FHIT: variants seen among roughly 807,000 people sequenced by gnomAD.
FHIT encodes fragile histidine triad diadenosine triphosphatase.
Under a neutral mutation model 17.9 loss-of-function variants are expected in FHIT, and 19 were observed. The observed-to-expected ratio is 1.06, with a 90% confidence interval of 0.74 to 1.56. The LOEUF (loss-of-function observed/expected upper bound fraction) is 1.56, where lower values mean the gene tolerates loss of function less well. Ranked by LOEUF, FHIT falls within the 40% of genes most tolerant of loss-of-function variation. The pLI is 0.00. For synonymous variants in FHIT, 81 were observed against 69.7 expected (o/e 1.16, Z -0.81); for missense variants, 248 against 189.2 (o/e 1.31, Z -1.82).
chr3:60,428,381 C>A (rs1207553634), intron 5 of FHIT, among the ~76,000 whole-genome samples: 1 of 152,112 alleles, frequency 6.6e-6, no homozygotes, highest in Non-Finnish European at 1.5e-5. Flanking sequence ...GTCAATCGGA[C>A]TTGAAAGCTT....
chr3:59,826,159 C>G (rs1019575313), intron 8 of FHIT, among the ~76,000 whole-genome samples: 2 of 152,120 alleles, frequency 1.3e-5, no homozygotes, highest in African/African-American at 4.8e-5. Context: ...ACTCTGACAC[C>G]CAGGCCGGAG....
intron 5 of FHIT, among the ~76,000 whole-genome samples, chr3:60,283,807 G>A (rs926613357): frequency 2.8e-5 from 4 of 142,590 alleles, no homozygotes; most frequent in African/African-American, 1.0e-4. Flanking sequence ...TGAGAAGAGT[G>A]CACCGAAAGA....
chr3:59,798,796 ACT>A (rs1271505225), intron 8 of FHIT, among the ~76,000 whole-genome samples: 1 of 152,128 alleles, frequency 6.6e-6, no homozygotes, highest in Non-Finnish European at 1.5e-5. Context: ...CAGTTGTTTG[ACT>A]CTGTGGTTTT....
At chr3:60,405,199 T>C (rs1327202859) in intron 5 of FHIT, among the ~76,000 whole-genome samples, 1 of 152,198 alleles carries the variant, frequency 6.6e-6, no homozygotes. Flanking sequence ...TGTCTTCCCA[T>C]TTGGCACACT....
chr3:60,649,563 A>G (rs1471539794), intron 4 of FHIT, among the ~76,000 whole-genome samples: 1 of 152,224 alleles, frequency 6.6e-6, no homozygotes, highest in Non-Finnish European at 1.5e-5. Flanking sequence ...ATGACGATAT[A>G]AAATTCTATG....
chr3:60,835,337 T>G (rs2106835882), intron 3 of FHIT, among the ~76,000 whole-genome samples: 1 of 152,320 alleles, frequency 6.6e-6, no homozygotes, highest in Admixed American at 6.5e-5. Context: ...TTTACTACGC[T>G]GTGACTTTCA....
At chr3:60,515,181 C>T (rs1402724476) in intron 5 of FHIT, among the ~76,000 whole-genome samples, 3 of 152,066 alleles carry the variant, frequency 2.0e-5, no homozygotes, top group Non-Finnish European at 4.4e-5. Context: ...GGTAATATTC[C>T]ATCCTAGTGT....
chr3:59,835,054 T>C (rs1396544611), intron 8 of FHIT, among the ~76,000 whole-genome samples: 3 of 152,192 alleles, frequency 2.0e-5, no homozygotes, highest in Non-Finnish European at 4.4e-5. Context: ...CATGCAGACC[T>C]TGTTGTGTAA....
intron 3 of FHIT, among the ~76,000 whole-genome samples, chr3:61,014,791 A>AT (rs2031994439): frequency 1.2e-5 from 1 of 80,388 alleles, no homozygotes; most frequent in Non-Finnish European, 3.1e-5. Flanking sequence ...AAAAAAAAAA[A>AT]AAAAAAAAAA....
At chr3:59,965,380 A>G (rs953396929) in intron 7 of FHIT, among the ~76,000 whole-genome samples, 1 of 152,182 alleles carries the variant, frequency 6.6e-6, no homozygotes, top group Admixed American at 6.5e-5. Context: ...ACAGAACTAC[A>G]TAAATATCTT....
At chr3:60,877,114 C>T (rs576648341) in intron 3 of FHIT, among the ~76,000 whole-genome samples, 245 of 152,278 alleles carry the variant, frequency 1.6e-3, no homozygotes, top group South Asian at 6.0e-3. Context: ...CACAGCCACA[C>T]TCACCTCAGA....
intron 5 of FHIT, among the ~76,000 whole-genome samples, chr3:60,237,785 G>A (rs1006757812): frequency 6.6e-6 from 1 of 152,112 alleles, no homozygotes; most frequent in Non-Finnish European, 1.5e-5. Flanking sequence ...AAAAGCTCTG[G>A]CTTTGAAAAT....
chr3:60,435,347 T>C (rs1433435665), intron 5 of FHIT, among the ~76,000 whole-genome samples: 1 of 152,144 alleles, frequency 6.6e-6, no homozygotes, highest in African/African-American at 2.4e-5. Context: ...AAAATTCAGA[T>C]ATGATGGCAA....
At chr3:60,103,368 C>T (rs1559634501) in intron 5 of FHIT, among the ~76,000 whole-genome samples, 1 of 152,162 alleles carries the variant, frequency 6.6e-6, no homozygotes, top group South Asian at 2.1e-4. Flanking sequence ...TTTACACATA[C>T]ATGGGAATCT....
intron 2 of FHIT, among the ~76,000 whole-genome samples, chr3:61,176,307 G>A (rs111475022): frequency 1.5e-3 from 229 of 152,308 alleles, no homozygotes; most frequent in African/African-American, 5.0e-3. Flanking sequence ...ATTTTATTCT[G>A]AAGAGAGCAT....
intron 5 of FHIT, among the ~76,000 whole-genome samples, chr3:60,248,117 T>C (rs989824740): frequency 1.3e-5 from 2 of 152,100 alleles, no homozygotes; most frequent in African/African-American, 4.8e-5. Flanking sequence ...TTCATCTGCA[T>C]TTGAAGCTGC....
intron 3 of FHIT, among the ~76,000 whole-genome samples, chr3:60,903,281 G>T (rs1011806749): frequency 6.6e-6 from 1 of 152,186 alleles, no homozygotes; most frequent in Non-Finnish European, 1.5e-5. Flanking sequence ...ATTGTAACTA[G>T]AGGTATTTCT....
At chr3:60,926,166 G>A (rs1274515406) in intron 3 of FHIT, among the ~76,000 whole-genome samples, 1 of 152,064 alleles carries the variant, frequency 6.6e-6, no homozygotes, top group African/African-American at 2.4e-5. Flanking sequence ...AAGTTAACAA[G>A]GATATCCAGG....
chr3:59,956,618 A>C (rs1003430453), intron 7 of FHIT, among the ~76,000 whole-genome samples: 2 of 152,180 alleles, frequency 1.3e-5, no homozygotes, highest in African/African-American at 2.4e-5. Context: ...CCGTGAGCCA[A>C]GATCGCGCCA....
Sources: gnomAD v4.1 joint callset for allele counts (sites outside exome capture counted in the v4.1 genomes callset) on GRCh38, gnomAD v4.1.1 for gene constraint, MANE v1.5 for transcripts, NCBI Gene and HGNC (gene_info 2026-07-23, HGNC 2026-07-21) for gene names.